CFAP44: variants seen among roughly 807,000 people sequenced by gnomAD.
CFAP44 encodes the protein cilia- and flagella-associated protein 44.
In CFAP44, 134 loss-of-function variants were observed where a neutral mutation model predicts 216.2. The ratio of observed to expected loss-of-function variants is 0.62; its 90% confidence interval spans 0.54 to 0.72. CFAP44 has a LOEUF of 0.72. Ranked by LOEUF, CFAP44 falls within the 30% of genes least tolerant of loss-of-function variation. The pLI is 0.00. For missense variants in CFAP44, 2,035 were observed against 2,182.1 expected, an observed-to-expected ratio of 0.93 and a Z score of 1.34; for synonymous variants, 700 against 727.6, an observed-to-expected ratio of 0.96 and a Z score of 0.61.
intron 28 of CFAP44, among the ~76,000 whole-genome samples, chr3:113,325,214 G>A (rs1362261230): frequency 6.7e-6 from 1 of 150,306 alleles, no homozygotes; most frequent in African/African-American, 2.4e-5. Flanking sequence ...AGTCAGGAGA[G>A]TGGTGTGAAC....
At chr3:113,416,688 T>A (rs920466626) in intron 5 of CFAP44, 61 bp from the exon 6 acceptor site, 211 of 1,231,780 alleles carry the variant, frequency 1.7e-4, no homozygotes, top group Non-Finnish European at 2.1e-4. Context: ...AATAGTCTGA[T>A]TAATGCAGTA....
chr3:113,439,572 T>C (rs1576614850), intron 1 of CFAP44, among the ~76,000 whole-genome samples: 1 of 152,346 alleles, frequency 6.6e-6, no homozygotes, highest in South Asian at 2.1e-4. Context: ...TAGTTTACCA[T>C]GGCACGCATA....
At position 113,363,498 on chromosome 3, in the gene CFAP44, A is replaced by G. The variant is rs765106804; in HGVS notation, c.2750T>C (p.Ile917Thr). The G allele has an allele frequency of 3.0e-5, 49 of 1,611,052 alleles. No homozygotes were observed. The Middle Eastern group carries it at 2.0e-3, about 65-fold the overall frequency. Residue 917 changes from isoleucine to threonine, a missense_variant, in exon 20 of 35, where the codon ATT (isoleucine) becomes ACT (threonine). Ile to Thr is a moderately conservative substitution (Grantham distance 89). Coordinates refer to ENST00000393845, the MANE Select transcript of CFAP44 (RefSeq NM_001164496.2). ...ATACCTGTAGGCTTTGGGATCTTCA[A>G]TGTCTTCTGGAATTGGCTCTGTTTC... The part of the protein sequence containing the change: ...GIETEPIPED[I>T]EDPKAYSIEN...
intron 10 of CFAP44, 81 bp from the exon 11 acceptor site, chr3:113,401,368 A>G: frequency 7.5e-7 from 1 of 1,332,948 alleles, no homozygotes; most frequent in Non-Finnish European, 1.0e-6. Context: ...TGTTTTATTA[A>G]AGTAAGGACA....
intron 19 of CFAP44, among the ~76,000 whole-genome samples, chr3:113,364,297 A>C (rs1950568445): frequency 6.6e-6 from 1 of 152,154 alleles, no homozygotes; most frequent in African/African-American, 2.4e-5. Context: ...ATTCTCTTTC[A>C]CAGAAGATAG....
At chr3:113,416,712 A>G (rs866761064) in intron 5 of CFAP44, 85 bp from the exon 6 acceptor site, 1 of 956,970 alleles carries the variant, frequency 1.0e-6, no homozygotes, top group African/African-American at 1.7e-5. Flanking sequence ...AGCATCCATT[A>G]TTTCATAATT....
intron 6 of CFAP44, among the ~76,000 whole-genome samples, chr3:113,414,233 TG>T (rs1333893546): frequency 1.3e-5 from 2 of 152,196 alleles, no homozygotes; most frequent in African/African-American, 4.8e-5. Flanking sequence ...TTGCTGAAGT[TG>T]CTTATCAGCT....
chr3:113,435,557 C>A (rs1203095355), intron 1 of CFAP44, among the ~76,000 whole-genome samples: 2 of 151,498 alleles, frequency 1.3e-5, no homozygotes, highest in African/African-American at 4.9e-5. Flanking sequence ...CACAGCCAAA[C>A]TGTCTCTAAA....
At chr3:113,405,182 T>A (rs1487313144) in intron 8 of CFAP44, among the ~76,000 whole-genome samples, 1 of 152,202 alleles carries the variant, frequency 6.6e-6, no homozygotes, top group South Asian at 2.1e-4. Flanking sequence ...TATTCAGTCC[T>A]TTATCTCTTG....
At chr3:113,348,681 C>T (rs1950412797) in intron 22 of CFAP44, among the ~76,000 whole-genome samples, 1 of 152,160 alleles carries the variant, frequency 6.6e-6, no homozygotes, top group African/African-American at 2.4e-5. Flanking sequence ...ACCACAAAAA[C>T]TCCCAGGCTA....
chr3:113,366,046 G>A lies in CFAP44; in HGVS notation c.2708C>T (p.Ser903Phe). Residue 903 changes from serine to phenylalanine, a missense_variant, in exon 19 of 35, where the codon TCT becomes TTT. By Grantham distance (155) the Ser-to-Phe change is radical (BLOSUM62 -2). Around this residue, in one of 3 missense-constraint regions of CFAP44, gnomAD observed 1,883 missense variants for 2,023.7 expected, o/e 0.93. Coordinates refer to ENST00000393845, the MANE Select transcript of CFAP44 (RefSeq NM_001164496.2). ...GGTTAATTAATTACATACCCTGGGA[G>A]ATGGAACTTTGGCCTTCATGTCTTT... is the stretch of plus-strand genomic sequence containing the variant. ...LRKDMKAKVP[S>F]PRFGIETEPI... 1 of 1,609,578 alleles carries A rather than the reference G, an allele frequency of 6.2e-7. No homozygotes were observed. Among genetic ancestry groups the A allele is most frequent in the Non-Finnish European group, 8.5e-7 (1 of 1,176,946 alleles).
intron 1 of CFAP44, among the ~76,000 whole-genome samples, chr3:113,438,773 T>C (rs192348073): frequency 6.6e-6 from 1 of 152,306 alleles, no homozygotes; most frequent in Non-Finnish European, 1.5e-5. Context: ...AGTTTTTCTG[T>C]GTACTTCAAC....
At chr3:113,328,627 C>T (rs1388867152) in intron 26 of CFAP44, among the ~76,000 whole-genome samples, 1 of 132,474 alleles carries the variant, frequency 7.5e-6, no homozygotes, top group Non-Finnish European at 1.6e-5. Context: ...AGGACCCAGA[C>T]TGGGGCTGAG....
rs1949865424 is a variant in CFAP44, at chr3:113,294,826, C to A, written c.5239-5G>T. ...TCGCATTTGAGCAATCTTTTCCTAC[C>A]AGGGTGGGAAGATGCAAAATAGATG... On this transcript the variant is annotated splice_polypyrimidine_tract_variant and splice_region_variant and intron_variant, in intron 33 of 34. Coordinates refer to ENST00000393845, the MANE Select transcript of CFAP44 (RefSeq NM_001164496.2). The A allele has an allele frequency of 6.6e-7, 1 of 1,523,554 alleles. No homozygotes were observed. The highest frequency in any genetic ancestry group is 1.4e-5 in the African/African-American group (1 of 72,038). The allele number at this position is 1,523,554 out of a possible 1,614,324, so 94.4% of individuals were successfully genotyped here. A position where few individuals can be genotyped will look rare whatever the true frequency, so the allele number is the denominator to read the frequency against.
chr3:113,306,479 C>A, intron 29 of CFAP44, 148 bp from the exon 30 acceptor site: 1 of 926,668 alleles, frequency 1.1e-6, no homozygotes, highest in South Asian at 1.6e-5. Flanking sequence ...CTTAATTGTT[C>A]CAGGTTGAAA....
chr3:113,414,200 C>A (rs2107382270), intron 6 of CFAP44, among the ~76,000 whole-genome samples: 1 of 152,232 alleles, frequency 6.6e-6, no homozygotes, highest in Middle Eastern at 3.4e-3. Context: ...GATTTTTGCA[C>A]ATTGATTTTG....
In CFAP44 at chr3:113,330,685, G is replaced by A. The variant is rs1325792328; in HGVS notation, c.3616-17C>T. The A allele has an allele frequency of 1.3e-6, 2 of 1,521,978 alleles. No homozygotes were observed. The highest frequency in any genetic ancestry group is 1.7e-4 in the Middle Eastern group (1 of 5,886). The allele number at this position is 1,521,978 out of a possible 1,614,324, so 94.3% of individuals were successfully genotyped here. A position where few individuals can be genotyped will look rare whatever the true frequency, so the allele number is the denominator to read the frequency against. On this transcript the variant is annotated splice_polypyrimidine_tract_variant and intron_variant, in intron 25 of 34. Coordinates refer to ENST00000393845, the MANE Select transcript of CFAP44 (RefSeq NM_001164496.2). Reference sequence around the variant, plus strand: ...TCCATGGACCTGAAAAAAAGAAGAGGAAGGAAACAACAGTACAACCCTCTG... The same window carrying A: ...TCCATGGACCTGAAAAAAAGAAGAGAAAGGAAACAACAGTACAACCCTCTG...
intron 1 of CFAP44, 74 bp from the exon 2 acceptor site, chr3:113,433,743 T>C: frequency 8.6e-7 from 1 of 1,158,958 alleles, no homozygotes; most frequent in East Asian, 2.4e-5. Flanking sequence ...CCCTAACATA[T>C]TTCATTAGCA....
chr3:113,295,521 C>T (rs540212715), intron 33 of CFAP44, among the ~76,000 whole-genome samples: 2 of 152,350 alleles, frequency 1.3e-5, no homozygotes, highest in South Asian at 4.1e-4. Flanking sequence ...AGTGGTACAT[C>T]TTGGATTAGA....
Sources: gnomAD v4.1 joint callset for allele counts (sites outside exome capture counted in the v4.1 genomes callset) on GRCh38, gnomAD v4.1.1 for gene constraint, gnomAD v4.1.1 regional missense constraint, MANE v1.5 for transcripts, NCBI Gene and HGNC (gene_info 2026-07-23, HGNC 2026-07-21) for gene names.